Variants in TTBK2 observed in about 807,000 individuals in gnomAD.
TTBK2 encodes the protein tau-tubulin kinase 2.
A neutral mutation model predicts 110.8 loss-of-function variants in TTBK2; 28 were observed. The observed-to-expected ratio is 0.25, with a 90% CI of 0.19 to 0.35. TTBK2 has a LOEUF of 0.35. TTBK2 is among the 10% of genes least tolerant of loss of function. The pLI is 1.00. For synonymous variants in TTBK2, 532 were observed against 527.3 expected, an observed-to-expected ratio of 1.01 and a Z score of -0.12; for missense variants, 1,369 against 1,500.3, an observed-to-expected ratio of 0.91 and a Z score of 1.45.
In TTBK2 at chr15:42,763,175, T is replaced by C. The variant is rs1170610526; in HGVS notation, c.1999-9928A>G. Among the ~76,000 whole-genome samples, 55 of 19,080 alleles carry C rather than the reference T, an allele frequency of 2.9e-3. 1 individual carries two copies. Among genetic ancestry groups the C allele is most frequent in the African/African-American group, 0.012 (50 of 4,346 alleles). The allele number at this position is 19,080 out of a possible 152,430, so 12.5% of individuals were successfully genotyped here. On this transcript the variant is annotated intron_variant, in intron 13 of 14. Coordinates refer to ENST00000267890, the MANE Select transcript of TTBK2 (RefSeq NM_173500.4). The stretch of plus-strand genomic sequence containing the variant: ...ATATATACATATATATATATATATA[T>C]ATATATATATATATATATTTTTTTT...
At chr15:42,864,818 A>G (rs1159060063) in intron 3 of TTBK2, among the ~76,000 whole-genome samples, 2 of 152,166 alleles carry the variant, frequency 1.3e-5, no homozygotes, top group African/African-American at 4.8e-5. Flanking sequence ...GCAACATAAT[A>G]AATTATTTTT....
intron 8 of TTBK2, 99 bp downstream of exon 8, chr15:42,811,589 T>C: frequency 5.5e-6 from 5 of 912,328 alleles, no homozygotes; most frequent in Non-Finnish European, 8.7e-6. Context: ...GCTTGTAGAT[T>C]TTAAGTCTTA....
intron 3 of TTBK2, among the ~76,000 whole-genome samples, chr15:42,868,944 T>C (rs1332182387): frequency 6.6e-6 from 1 of 152,092 alleles, no homozygotes; most frequent in Non-Finnish European, 1.5e-5. Context: ...GTGTACCAAA[T>C]TCTATTAAGA....
intron 9 of TTBK2, among the ~76,000 whole-genome samples, chr15:42,796,727 A>G (rs910236953): frequency 3.3e-5 from 5 of 152,226 alleles, no homozygotes; most frequent in Admixed American, 1.3e-4. Flanking sequence ...GCTGACATTA[A>G]TCTGAGCTTA....
chr15:42,756,555 G>A (rs528956183), intron 13 of TTBK2, among the ~76,000 whole-genome samples: 7 of 152,124 alleles, frequency 4.6e-5, no homozygotes, highest in South Asian at 2.1e-4. Flanking sequence ...CACTGCACTC[G>A]AGCCTGGGCA....
rs1193961058 is a variant in TTBK2, at chr15:42,742,851, CAT to C, written c.*2942_*2943del. ...TATGTCACTGAAACCTGAAATATGC[CAT>C]CACTAAGAGAACCCCCAAATAAAAA... is the stretch of plus-strand genomic sequence containing the variant. On this transcript the variant is annotated 3_prime_UTR_variant, in exon 15 of 15. Transcript: ENST00000267890. The C allele has an allele frequency of 6.6e-6, 1 of 152,032 alleles. No individual in the cohort carries two copies. Among genetic ancestry groups the C allele is most frequent in the East Asian group, 1.9e-4 (1 of 5,196 alleles). The allele number at this position is 152,032 out of a possible 1,614,324, so 9.4% of individuals were successfully genotyped here. A position where few individuals can be genotyped will look rare whatever the true frequency, so the allele number is the denominator to read the frequency against.
chr15:42,907,754 C>A (rs2030494433), intron 1 of TTBK2, among the ~76,000 whole-genome samples: 1 of 151,778 alleles, frequency 6.6e-6, no homozygotes, highest in African/African-American at 2.4e-5. Context: ...GATGGTAAAT[C>A]TTATTTGCAC....
At chr15:42,792,750 T>A (rs549343007) in intron 10 of TTBK2, among the ~76,000 whole-genome samples, 1 of 152,294 alleles carries the variant, frequency 6.6e-6, no homozygotes, top group South Asian at 2.1e-4. Context: ...CTAGGATTTG[T>A]GGTCTCATTT....
chr15:42,818,024 C>T (rs553046711), intron 6 of TTBK2, among the ~76,000 whole-genome samples: 2 of 152,264 alleles, frequency 1.3e-5, no homozygotes, highest in Non-Finnish European at 2.9e-5. Flanking sequence ...ACCTTTACTA[C>T]CCCCAAATCA....
intron 9 of TTBK2, among the ~76,000 whole-genome samples, chr15:42,800,511 A>G (rs1424646024): frequency 6.6e-6 from 1 of 152,210 alleles, no homozygotes; most frequent in South Asian, 2.1e-4. Context: ...ACCAAGAATT[A>G]TTTGTAAGGT....
intron 4 of TTBK2, among the ~76,000 whole-genome samples, chr15:42,839,720 T>C (rs1457584675): frequency 6.6e-6 from 1 of 152,234 alleles, no homozygotes. Flanking sequence ...CATTCTTTCA[T>C]ATGCTTTTTG....
chr15:42,905,667 A>G (rs1191216218), intron 1 of TTBK2, among the ~76,000 whole-genome samples: 4 of 152,162 alleles, frequency 2.6e-5, no homozygotes, highest in Admixed American at 6.6e-5. Context: ...TTAACATAAC[A>G]CTAAAGTTTA....
intron 1 of TTBK2, among the ~76,000 whole-genome samples, chr15:42,890,388 C>G (rs879513663): frequency 6.6e-6 from 1 of 152,150 alleles, no homozygotes; most frequent in Non-Finnish European, 1.5e-5. Flanking sequence ...GGTAGTGTAT[C>G]CTAACTTCAT....
At chr15:42,880,234 T>C (rs1357351408) in intron 1 of TTBK2, among the ~76,000 whole-genome samples, 1 of 152,146 alleles carries the variant, frequency 6.6e-6, no homozygotes, top group African/African-American at 2.4e-5. Context: ...TTTGAATGAA[T>C]GATATCACTT....
chr15:42,844,243 A>G (rs78395677), intron 3 of TTBK2, among the ~76,000 whole-genome samples: 1,733 of 152,322 alleles, frequency 0.011, 30 homozygotes, highest in African/African-American at 0.039. Context: ...GTGTAAATAA[A>G]TGAATAGAAT....
intron 10 of TTBK2, among the ~76,000 whole-genome samples, chr15:42,788,370 A>T (rs1358104125): frequency 1.3e-5 from 2 of 152,170 alleles, no homozygotes; most frequent in African/African-American, 4.8e-5. Context: ...AGTCTCTATC[A>T]TCAAGGTATA....
At chr15:42,841,553 TAG>T (rs929318987) in intron 3 of TTBK2, among the ~76,000 whole-genome samples, 12 of 152,098 alleles carry the variant, frequency 7.9e-5, no homozygotes, top group African/African-American at 2.9e-4. Context: ...AGGGCATGGA[TAG>T]AGATTTGAAA....
chr15:42,771,289 C>T (rs1889664321), intron 13 of TTBK2, among the ~76,000 whole-genome samples: 1 of 152,042 alleles, frequency 6.6e-6, no homozygotes, highest in Admixed American at 6.6e-5. Flanking sequence ...ATTCCTTAAC[C>T]TTCCCAGAAA....
rs1893102612 is a variant in TTBK2, at chr15:42,838,826, T to A, written c.291+1534A>T. ...CCAAGACTCCATCTCAAAAAAAAAATATACAGGGAACAGAGTTATGTTACT... is the reference window on the plus strand; with the variant it reads ...CCAAGACTCCATCTCAAAAAAAAAAAATACAGGGAACAGAGTTATGTTACT... On this transcript the variant is annotated intron_variant, in intron 4 of 14. Transcript: ENST00000267890. 2.0e-5 allele frequency among the ~76,000 whole-genome samples: 3 copies of A among 151,588 alleles called. No individual in the cohort carries two copies. In the South Asian group the frequency reaches 6.3e-4, roughly 32 times the overall value.
Sources: allele counts gnomAD v4.1 joint callset (sites outside exome capture counted in the v4.1 genomes callset), GRCh38; gene constraint gnomAD v4.1.1; transcripts MANE v1.5; gene names NCBI Gene and HGNC (gene_info 2026-07-23, HGNC 2026-07-21).